CDK14: variants seen among roughly 807,000 people sequenced by gnomAD.
The protein encoded by CDK14 is cyclin-dependent kinase 14.
CDK14 carries 34 observed loss-of-function variants against 60.7 expected under a neutral mutation model. The observed-to-expected ratio is 0.56, with a 90% confidence interval of 0.43 to 0.75. The LOEUF is 0.75. Ranked by LOEUF, CDK14 falls within the 30% of genes least tolerant of loss-of-function variation. The probability of loss-of-function intolerance (pLI) is 0.00; values close to 1 mark genes in which losing one functional copy is unlikely to be tolerated. For missense variants in CDK14, 482 were observed against 564.1 expected (o/e 0.85, Z 1.47); for synonymous variants, 197 against 203.7 (o/e 0.97, Z 0.28).
intron 2 of CDK14, among the ~76,000 whole-genome samples, chr7:90,687,036 G>C (rs1356348992): frequency 6.6e-6 from 1 of 151,978 alleles, no homozygotes; most frequent in Non-Finnish European, 1.5e-5. Flanking sequence ...ACATGATCTA[G>C]TTGTGATTGA....
At chr7:90,928,226 C>G (rs1041060394) in intron 8 of CDK14, among the ~76,000 whole-genome samples, 3 of 152,206 alleles carry the variant, frequency 2.0e-5, no homozygotes, top group African/African-American at 7.2e-5. Context: ...TTCAACTCAT[C>G]AAAGTCATTC....
chr7:91,053,061 AAACC>A (rs1797436981), intron 11 of CDK14, among the ~76,000 whole-genome samples: 1 of 152,226 alleles, frequency 6.6e-6, no homozygotes, highest in Non-Finnish European at 1.5e-5. Context: ...TGGGACCCCA[AAACC>A]AAACAGGTCC....
At chr7:90,649,378 CTTCCTTCCTTCCTTCCTTCT>C (rs1800567017) in intron 2 of CDK14, among the ~76,000 whole-genome samples, 1 of 44,716 alleles carries the variant, frequency 2.2e-5, no homozygotes, top group African/African-American at 1.1e-4. Context: ...TCCTTCCTTC[CTTCCTTCCTTCCTTCCTTCT>C]TTCTTTCTTT....
At chr7:91,184,958 A>G (rs946203536) in intron 14 of CDK14, among the ~76,000 whole-genome samples, 1 of 151,858 alleles carries the variant, frequency 6.6e-6, no homozygotes, top group African/African-American at 2.4e-5. Context: ...GAAGAAGGGC[A>G]TCAACCTAGG....
chr7:90,798,927 AAGG>A (rs2116995365), intron 5 of CDK14, among the ~76,000 whole-genome samples: 1 of 152,346 alleles, frequency 6.6e-6, no homozygotes, highest in East Asian at 1.9e-4. Context: ...GGAACAGATA[AAGG>A]GCTGGGAGAT....
chr7:90,902,139 A>G (rs1792527819), intron 7 of CDK14, among the ~76,000 whole-genome samples: 1 of 152,070 alleles, frequency 6.6e-6, no homozygotes, highest in Non-Finnish European at 1.5e-5. Context: ...ATCATGGATT[A>G]GACAAATTAG....
chr7:91,056,145 TC>T lies in CDK14; in HGVS notation c.1105+10186del, dbSNP rs1288680764. 1.6e-4 allele frequency among the ~76,000 whole-genome samples: 25 copies of T among 152,324 alleles called. 1 individual carries two copies. Among genetic ancestry groups the T allele is most frequent in the Non-Finnish European group, 3.2e-4 (22 of 68,026 alleles). On this transcript the variant is annotated intron_variant, in intron 11 of 14. Transcript: ENST00000380050. ...AACAAGAAAACGTTGTCCCTCGTCT[TC>T]AAGGTGGGTGTTGACCACAGTACCT...
chr7:90,687,137 A>G (rs565135532), intron 2 of CDK14, among the ~76,000 whole-genome samples: 1 of 152,250 alleles, frequency 6.6e-6, no homozygotes, highest in African/African-American at 2.4e-5. Context: ...ACAGAGGGGT[A>G]ATTTATTCAA....
intron 9 of CDK14, among the ~76,000 whole-genome samples, chr7:90,968,742 A>G (rs575542107): frequency 2.3e-4 from 35 of 151,794 alleles, no homozygotes; most frequent in Non-Finnish European, 3.7e-4. Context: ...ATTTGTGACC[A>G]TTTTATAACC....
chr7:90,726,082 A>AT (rs1239423406), intron 2 of CDK14, among the ~76,000 whole-genome samples: 34 of 152,280 alleles, frequency 2.2e-4, no homozygotes, highest in African/African-American at 7.9e-4. Flanking sequence ...GATTTTAAGC[A>AT]TACATATTCA....
intron 8 of CDK14, among the ~76,000 whole-genome samples, chr7:90,936,555 G>A (rs1051113644): frequency 6.6e-6 from 1 of 152,088 alleles, no homozygotes; most frequent in Admixed American, 6.6e-5. Flanking sequence ...GTGGTTATGA[G>A]ATTCTGTTAG....
At chr7:90,663,343 C>T (rs1002443040) in intron 2 of CDK14, among the ~76,000 whole-genome samples, 4 of 152,110 alleles carry the variant, frequency 2.6e-5, no homozygotes, top group Non-Finnish European at 5.9e-5. Context: ...GTCTTTCATA[C>T]GGAGGGTGTC....
intron 8 of CDK14, among the ~76,000 whole-genome samples, chr7:90,932,966 G>A (rs1415222834): frequency 3.9e-5 from 6 of 152,190 alleles, no homozygotes; most frequent in Non-Finnish European, 5.9e-5. Context: ...CCACCTTAGC[G>A]TTTGCCAACC....
intron 2 of CDK14, among the ~76,000 whole-genome samples, chr7:90,667,376 C>T (rs921878803): frequency 6.6e-6 from 1 of 152,132 alleles, no homozygotes; most frequent in Admixed American, 6.5e-5. Context: ...GCCATCACCA[C>T]TAATTCCAGA....
intron 6 of CDK14, among the ~76,000 whole-genome samples, chr7:90,864,944 G>A (rs767766005): frequency 1.7e-4 from 26 of 152,040 alleles, no homozygotes; most frequent in Admixed American, 1.6e-3. Context: ...CTTCTCCATG[G>A]AGTTCGTACA....
rs373649357 is a variant in CDK14 at position 91,092,634 on chromosome 7, A to G, written c.1154+13154A>G. ...ACTGTTTCTGTGTTGGGAACAGCCA[A>G]TTGCAAACTCCAGAAGTACTTTAGG... On this transcript the variant is annotated intron_variant, in intron 12 of 14. Transcript: ENST00000380050. Among the ~76,000 whole-genome samples the G allele has an allele frequency of 9.2e-5, 14 of 152,316 alleles. No individual in the cohort carries two copies. The East Asian group carries it at 1.4e-3, about 15-fold the overall frequency.
intron 5 of CDK14, among the ~76,000 whole-genome samples, chr7:90,830,503 T>C (rs1213634011): frequency 6.6e-6 from 1 of 152,252 alleles, no homozygotes; most frequent in Non-Finnish European, 1.5e-5. Flanking sequence ...GAGGGGCTGC[T>C]GCAAAGATCT....
intron 2 of CDK14, chr7:90,709,328 G>T (rs1801975445): frequency 1.0e-6 from 1 of 965,036 alleles, no homozygotes; most frequent in Non-Finnish European, 1.4e-6. Flanking sequence ...TTATTTAATG[G>T]GGTTGTCACT....
intron 2 of CDK14, 50 bp downstream of exon 2, chr7:90,604,299 G>C: frequency 8.4e-7 from 1 of 1,183,780 alleles, no homozygotes; most frequent in Non-Finnish European, 1.2e-6. Context: ...TGACTACCAG[G>C]TAAAGTCAGT....
Sources: gnomAD v4.1 joint callset for allele counts (sites outside exome capture counted in the v4.1 genomes callset) on GRCh38, gnomAD v4.1.1 for gene constraint, MANE v1.5 for transcripts, NCBI Gene and HGNC (gene_info 2026-07-23, HGNC 2026-07-21) for gene names.